CDH2: variants seen among roughly 807,000 people sequenced by gnomAD.
The protein encoded by CDH2 is cadherin 2.
Under a neutral mutation model 92.0 loss-of-function variants are expected in CDH2, and 17 were observed. That is an observed-to-expected ratio of 0.18 (90% CI 0.13 to 0.28). The LOEUF (loss-of-function observed/expected upper bound fraction) is 0.28, where lower values mean the gene tolerates loss of function less well. CDH2 is among the 10% of genes least tolerant of loss of function. CDH2 has a pLI of 1.00. For missense variants in CDH2, 862 were observed against 1,133.1 expected, an observed-to-expected ratio of 0.76 and a Z score of 3.44; for synonymous variants, 419 against 415.9, an observed-to-expected ratio of 1.01 and a Z score of -0.09.
chr18:28,057,059 G>T (rs1387277202), intron 2 of CDH2, among the ~76,000 whole-genome samples: 3 of 152,054 alleles, frequency 2.0e-5, no homozygotes, highest in African/African-American at 7.2e-5. Context: ...CTTTAACCAG[G>T]ACCATTTGAA....
chr18:28,075,215 G>A (rs2014696193), intron 2 of CDH2, among the ~76,000 whole-genome samples: 2 of 152,178 alleles, frequency 1.3e-5, no homozygotes, highest in South Asian at 4.1e-4. Flanking sequence ...AAAGTAAAAA[G>A]TGCTGTGATA....
intron 15 of CDH2, among the ~76,000 whole-genome samples, chr18:27,958,889 T>C (rs767971483): frequency 6.6e-6 from 1 of 152,154 alleles, no homozygotes; most frequent in Non-Finnish European, 1.5e-5. Flanking sequence ...CCTGCTGCCA[T>C]GTGAAGAAGA....
intron 1 of CDH2, among the ~76,000 whole-genome samples, chr18:28,176,022 T>C (rs1203345894): frequency 6.6e-6 from 1 of 152,074 alleles, no homozygotes; most frequent in Non-Finnish European, 1.5e-5. Context: ...CGGCGGAAAG[T>C]TGGGCTGCCC....
chr18:27,976,394 A>C (rs542252000), intron 14 of CDH2, among the ~76,000 whole-genome samples: 8 of 152,280 alleles, frequency 5.3e-5, no homozygotes, highest in Non-Finnish European at 1.0e-4. Context: ...TAATGTTTCA[A>C]GTCAAATTCT....
chr18:27,945,323 ATTTTTTTT>A (rs66537834), intron 6 of CDH2, among the ~76,000 whole-genome samples: 2,250 of 66,576 alleles, frequency 0.034, 73 homozygotes, highest in African/African-American at 0.12. Flanking sequence ...AGGAAGGAAG[ATTTTTTTT>A]TTTTTTTTTT....
intron 2 of CDH2, among the ~76,000 whole-genome samples, chr18:28,084,767 A>G (rs763021200): frequency 3.3e-5 from 5 of 152,152 alleles, no homozygotes; most frequent in Non-Finnish European, 5.9e-5. Context: ...CAGATGCAGG[A>G]AGCTGAAAAC....
At chr18:28,004,442 C>T (rs1411320771) in intron 6 of CDH2, among the ~76,000 whole-genome samples, 1 of 152,116 alleles carries the variant, frequency 6.6e-6, no homozygotes, top group African/African-American at 2.4e-5. Context: ...TATAGAAGAA[C>T]CACAAGAAAT....
At chr18:28,103,478 T>C (rs28483609) in intron 2 of CDH2, among the ~76,000 whole-genome samples, 25 of 63,678 alleles carry the variant, frequency 3.9e-4, no homozygotes, top group Non-Finnish European at 6.2e-4. Context: ...TATGTATATA[T>C]ATACACACAC....
At chr18:28,031,303 G>C (rs538176133) in intron 2 of CDH2, among the ~76,000 whole-genome samples, 2 of 151,830 alleles carry the variant, frequency 1.3e-5, no homozygotes, top group Non-Finnish European at 2.9e-5. Context: ...AGTTCTAACA[G>C]CTCCACTTCC....
intron 15 of CDH2, among the ~76,000 whole-genome samples, chr18:27,960,898 C>CTGTT (rs2011384428): frequency 6.6e-6 from 1 of 152,160 alleles, no homozygotes; most frequent in Non-Finnish European, 1.5e-5. Context: ...TACCTGAGCA[C>CTGTT]TGTTTAGGAG....
At chr18:28,110,080 G>C (rs886177672) in intron 2 of CDH2, among the ~76,000 whole-genome samples, 1 of 152,126 alleles carries the variant, frequency 6.6e-6, no homozygotes, top group Middle Eastern at 3.2e-3. Flanking sequence ...AACACACTTA[G>C]GAGTTTATTC....
chr18:28,064,666 A>T (rs1789466), intron 2 of CDH2, among the ~76,000 whole-genome samples: 4 of 139,434 alleles, frequency 2.9e-5, no homozygotes, highest in South Asian at 4.4e-4. Flanking sequence ...AGCCCCAATT[A>T]AAAAAAAAAA....
chr18:28,045,372 T>C (rs1192320978), intron 2 of CDH2: 1 of 464,350 alleles, frequency 2.2e-6, no homozygotes, highest in African/African-American at 2.0e-5. Flanking sequence ...GGTTTAAACT[T>C]ATAAATAGCT....
chr18:28,070,676 T>C (rs1419714519), intron 2 of CDH2, among the ~76,000 whole-genome samples: 1 of 152,190 alleles, frequency 6.6e-6, no homozygotes, highest in African/African-American at 2.4e-5. Context: ...GAAGGCAGTA[T>C]GCCCACTCCC....
chr18:28,157,730 G>A (rs567992700), intron 1 of CDH2, among the ~76,000 whole-genome samples: 13 of 152,050 alleles, frequency 8.5e-5, no homozygotes, highest in African/African-American at 3.1e-4. Flanking sequence ...TCTCGCATAC[G>A]ATATGTGATA....
chr18:28,048,189 C>G (rs1239143384), intron 2 of CDH2, among the ~76,000 whole-genome samples: 1 of 152,106 alleles, frequency 6.6e-6, no homozygotes, highest in Non-Finnish European at 1.5e-5. Context: ...AATTAAGCCT[C>G]ACAGAGGTTA....
At chr18:28,045,770 T>C (rs1230089946) in intron 2 of CDH2, among the ~76,000 whole-genome samples, 7 of 152,218 alleles carry the variant, frequency 4.6e-5, no homozygotes, top group Non-Finnish European at 1.0e-4. Flanking sequence ...AAACCGAAGC[T>C]TCCTTTAGAA....
Position 27,990,239 on chromosome 18 carries a change from C to G in CDH2, c.1456G>C (p.Val486Leu), listed in dbSNP as rs1428236027. Residue 486 changes from valine to leucine, a missense_variant, in exon 10 of 16, where the codon GTT becomes CTT. Val to Leu is a conservative substitution (Grantham distance 32). Coordinates refer to ENST00000269141, the MANE Select transcript of CDH2 (RefSeq NM_001792.5). Reference protein sequence around the residue: ...HPPQSTATVSVTVIDVNENPY... With the variant: ...HPPQSTATVSLTVIDVNENPY... Reference sequence around the variant, plus strand: ...TTTTCATTTACGTCAATAACTGTAACAGACACGGTTGCAGTTGACTGAGGG... The same window carrying G: ...TTTTCATTTACGTCAATAACTGTAAGAGACACGGTTGCAGTTGACTGAGGG... The G allele has an allele frequency of 6.2e-7, 1 of 1,613,978 alleles. No homozygotes were observed. The highest frequency in any genetic ancestry group is 8.5e-7 in the Non-Finnish European group (1 of 1,179,972).
intron 2 of CDH2, among the ~76,000 whole-genome samples, chr18:28,073,236 AT>A (rs1478745847): frequency 1.3e-5 from 2 of 152,158 alleles, no homozygotes; most frequent in Non-Finnish European, 2.9e-5. Context: ...TTGCCAAAAA[AT>A]TTACTGGCCC....
Sources: gnomAD v4.1 joint callset for allele counts (sites outside exome capture counted in the v4.1 genomes callset) on GRCh38, gnomAD v4.1.1 for gene constraint, MANE v1.5 for transcripts, NCBI Gene and HGNC (gene_info 2026-07-23, HGNC 2026-07-21) for gene names.